COL15A1: variants seen among roughly 807,000 people sequenced by gnomAD.
COL15A1 encodes the protein collagen type XV alpha 1 chain.
Under a neutral mutation model 165.9 loss-of-function variants are expected in COL15A1, and 111 were observed. The ratio of observed to expected loss-of-function variants is 0.67; its 90% CI spans 0.57 to 0.78. The LOEUF is 0.78. COL15A1 is among the 30% of genes least tolerant of loss of function. The pLI is 0.00. For missense variants in COL15A1, 1,745 were observed against 1,789.7 expected (o/e 0.98, Z 0.45); for synonymous variants, 659 against 674.8 (o/e 0.98, Z 0.36).
chr9:98,987,437 G>A, intron 4 of COL15A1, 69 bp downstream of exon 4: 1 of 1,424,332 alleles, frequency 7.0e-7, no homozygotes, highest in Non-Finnish European at 9.6e-7. Context: ...AGGGCTGGAT[G>A]CCCAGACAGT....
At chr9:99,065,270 G>A (rs1825873421) in intron 39 of COL15A1, among the ~76,000 whole-genome samples, 3 of 152,176 alleles carry the variant, frequency 2.0e-5, no homozygotes, top group African/African-American at 7.2e-5. Flanking sequence ...TTCTTAGGTG[G>A]CCCCTGGCAT....
chr9:98,986,082 T>G lies in COL15A1; in HGVS notation c.618T>G (p.Asn206Lys). 1 of 1,613,788 alleles carries G rather than the reference T, an allele frequency of 6.2e-7. No individual in the cohort carries two copies. Among genetic ancestry groups the G allele is most frequent in the Non-Finnish European group, 8.5e-7 (1 of 1,179,988 alleles). The change falls in exon 3 of 42, where the codon AAT (asparagine) becomes AAG (lysine). Residue 206 changes from asparagine (N) to lysine (K), a missense_variant. Physicochemically the swap from Asn to Lys is moderately conservative, Grantham distance 94. Transcript: ENST00000375001. ...FESSAGIFMGNAGATGLERFT... is the reference protein window; with the variant it reads ...FESSAGIFMGKAGATGLERFT... ...CCAGCGCTGGAATCTTCATGGGCAA[T>G]GCAGGAGCTACAGGGCTCGAGAGAT...
intron 2 of COL15A1, among the ~76,000 whole-genome samples, chr9:98,948,515 T>G (rs1373114347): frequency 1.3e-5 from 2 of 150,862 alleles, no homozygotes; most frequent in African/African-American, 2.4e-5. Flanking sequence ...GGAGAATAGC[T>G]TGAACCTGGG....
At chr9:99,026,100 T>G in intron 16 of COL15A1, 134 bp downstream of exon 16, 1 of 773,222 alleles carries the variant, frequency 1.3e-6, no homozygotes, top group Non-Finnish European at 2.1e-6. Flanking sequence ...TGGCCACTTC[T>G]GCTGGATGTC....
intron 5 of COL15A1, among the ~76,000 whole-genome samples, chr9:98,992,709 G>A (rs1838465460): frequency 6.6e-6 from 1 of 152,252 alleles, no homozygotes; most frequent in Admixed American, 6.5e-5. Flanking sequence ...CTGCAAGGTA[G>A]GTGGCATCAG....
chr9:99,027,870 A>T (rs1034011571), intron 16 of COL15A1, among the ~76,000 whole-genome samples: 1 of 152,216 alleles, frequency 6.6e-6, no homozygotes, highest in African/African-American at 2.4e-5. Flanking sequence ...AACAAAACAA[A>T]ACCAAAAAAG....
chr9:98,960,772 C>T (rs1201762161), intron 2 of COL15A1, among the ~76,000 whole-genome samples: 18 of 152,204 alleles, frequency 1.2e-4, no homozygotes, highest in Admixed American at 1.2e-3. Flanking sequence ...ACATGGAAAG[C>T]CCTTAATGAA....
intron 36 of COL15A1, among the ~76,000 whole-genome samples, chr9:99,060,898 C>G (rs956095902): frequency 6.6e-5 from 10 of 152,040 alleles, no homozygotes; most frequent in Non-Finnish European, 1.5e-5. Flanking sequence ...AAAGAAAAAA[C>G]AAAACAACAA....
In COL15A1 at chr9:98,985,224, GTAAT is replaced by G. The variant is rs769816598; in HGVS notation, c.101-334_101-331del. On this transcript the variant is annotated intron_variant, in intron 2 of 41. Transcript: ENST00000375001. ...ATTAGTGGGTTATAAAATCAATTTA[GTAAT>G]TAATTACCAGCATGTTTTTAATAAA... Among the ~76,000 whole-genome samples, 24 of 152,234 alleles carry G rather than the reference GTAAT, an allele frequency of 1.6e-4. No individual in the cohort carries two copies. In the East Asian group the frequency reaches 4.6e-3, roughly 29 times the overall value.
chr9:99,048,546 T>TTTA lies in COL15A1; in HGVS notation c.2793+557_2793+559dup, dbSNP rs540833607. Among the ~76,000 whole-genome samples, 306 of 152,248 alleles carry TTTA rather than the reference T, an allele frequency of 2.0e-3. 3 individuals are homozygous for TTTA. Among genetic ancestry groups the TTTA allele is most frequent in the African/African-American group, 7.0e-3 (289 of 41,536 alleles). On this transcript the variant is annotated intron_variant, in intron 28 of 41. Transcript: ENST00000375001. ...TTTGTTTTGTTTTGTTTTGTTTTGTTTTATTATTATTATACTTTAAGTTCT... is the reference window on the plus strand; with the variant it reads ...TTTGTTTTGTTTTGTTTTGTTTTGTTTTATTATTATTATTATACTTTAAGTTCT...
chr9:98,952,798 T>A (rs959707245), intron 2 of COL15A1, among the ~76,000 whole-genome samples: 5 of 152,274 alleles, frequency 3.3e-5, no homozygotes, highest in Non-Finnish European at 7.3e-5. Flanking sequence ...CCATCATTGT[T>A]GTGTGATATC....
chr9:99,067,179 C>T, intron 40 of COL15A1, 112 bp downstream of exon 40: 1 of 906,922 alleles, frequency 1.1e-6, no homozygotes, highest in Non-Finnish European at 1.7e-6. Context: ...AGCCTGCTCT[C>T]TCCCTTACTG....
chr9:99,019,681 C>T (rs1838995299), intron 11 of COL15A1, among the ~76,000 whole-genome samples: 1 of 151,810 alleles, frequency 6.6e-6, no homozygotes, highest in Admixed American at 6.5e-5. Context: ...GTTTTCTTCA[C>T]TTCTCTCTGT....
rs1825961162 is a variant in COL15A1 at position 99,070,033 on chromosome 9, C to G, written c.*147C>G. 1 of 636,020 alleles carries G rather than the reference C, an allele frequency of 1.6e-6. No individual in the cohort carries two copies. The allele number at this position is 636,020 out of a possible 1,614,324, so 39.4% of individuals were successfully genotyped here. The stretch of plus-strand genomic sequence containing the variant: ...ACAACAGCAACCAAAGAAAACATAC[C>G]TCAATACACTCAAAACTGAAGACAT... On this transcript the variant is annotated 3_prime_UTR_variant, in exon 42 of 42. Coordinates refer to ENST00000375001, the MANE Select transcript of COL15A1 (RefSeq NM_001855.5).
intron 16 of COL15A1, 95 bp from the exon 17 acceptor site, chr9:99,034,454 T>C (rs1652693963): frequency 1.3e-6 from 2 of 1,493,872 alleles, no homozygotes; most frequent in African/African-American, 2.8e-5. Context: ...TTTAATATCC[T>C]ATTTCCTTGG....
rs372934241 is a variant in COL15A1, at chr9:99,059,963, A to G, written c.3402+10A>G. 95 of 1,613,498 alleles carry G rather than the reference A, an allele frequency of 5.9e-5. No homozygotes were observed. In the African/African-American group the frequency reaches 1.1e-3, roughly 18 times the overall value. On this transcript the variant is annotated intron_variant, in intron 36 of 41. Coordinates refer to ENST00000375001, the MANE Select transcript of COL15A1 (RefSeq NM_001855.5). ...CGGATCCAGAAACCTGGTCAGTATTATCATCAGTGTGTAGTCATCATTCCA... is the reference window on the plus strand; with the variant it reads ...CGGATCCAGAAACCTGGTCAGTATTGTCATCAGTGTGTAGTCATCATTCCA...
At chr9:98,963,322 A>AG (rs1261173659) in intron 2 of COL15A1, among the ~76,000 whole-genome samples, 2 of 152,216 alleles carry the variant, frequency 1.3e-5, no homozygotes, top group African/African-American at 4.8e-5. Flanking sequence ...TGGGAACCTG[A>AG]GGCCTCAGAA....
intron 16 of COL15A1, among the ~76,000 whole-genome samples, chr9:99,029,850 G>A (rs902186037): frequency 7.2e-5 from 11 of 152,028 alleles, no homozygotes; most frequent in Admixed American, 5.9e-4. Context: ...ACCTGAACCC[G>A]GGAGGCCGGG....
At position 98,943,915 on chromosome 9, in the gene COL15A1, C is replaced by A. The variant is rs114655951; in HGVS notation, c.-147C>A. On this transcript the variant is annotated 5_prime_UTR_variant, in exon 1 of 42. Coordinates refer to ENST00000375001, the MANE Select transcript of COL15A1 (RefSeq NM_001855.5). ...GCGGGCCGGGAGCCGGGATTCTGCC[C>A]GCCGCCGCCGCTGCCGAGCGCCGCC... is the stretch of plus-strand genomic sequence containing the variant. The A allele has an allele frequency of 3.1e-3, 3,249 of 1,043,778 alleles. 78 individuals are homozygous for A. The African/African-American group carries it at 0.049, about 16-fold the overall frequency. The allele number at this position is 1,043,778 out of a possible 1,614,324, so 64.7% of individuals were successfully genotyped here.
Sources: allele counts gnomAD v4.1 joint callset (sites outside exome capture counted in the v4.1 genomes callset), GRCh38; gene constraint gnomAD v4.1.1; transcripts MANE v1.5; gene names NCBI Gene and HGNC (gene_info 2026-07-23, HGNC 2026-07-21).